Variants in POLR3B observed in about 807,000 individuals in gnomAD.
POLR3B encodes RNA polymerase III subunit B.
In POLR3B, 96 loss-of-function variants were observed where a neutral mutation model predicts 147.4. The ratio of observed to expected loss-of-function variants is 0.65; its 90% confidence interval spans 0.55 to 0.77. The LOEUF is 0.77. Among genes scored for constraint, POLR3B ranks in the 30% least tolerant of loss-of-function variants. POLR3B has a pLI of 0.00. For missense variants in POLR3B, 1,036 were observed against 1,413.5 expected (o/e 0.73, Z 4.28); for synonymous variants, 461 against 485.9 (o/e 0.95, Z 0.67).
At chr12:106,368,010 T>A (rs2036555857) in intron 4 of POLR3B, among the ~76,000 whole-genome samples, 2 of 152,204 alleles carry the variant, frequency 1.3e-5, no homozygotes, top group Admixed American at 1.3e-4. Flanking sequence ...TATTAATTTA[T>A]ATCAATTTGG....
intron 23 of POLR3B, among the ~76,000 whole-genome samples, chr12:106,491,606 G>A (rs890643161): frequency 6.6e-6 from 1 of 152,212 alleles, no homozygotes. Context: ...GTAAAAGGAG[G>A]TAATTTAGAC....
At chr12:106,400,664 A>G (rs2037049068) in intron 10 of POLR3B, among the ~76,000 whole-genome samples, 1 of 152,240 alleles carries the variant, frequency 6.6e-6, no homozygotes, top group South Asian at 2.1e-4. Flanking sequence ...ACTCAGGATT[A>G]AGAAACTCAC....
intron 12 of POLR3B, among the ~76,000 whole-genome samples, chr12:106,426,669 A>C (rs2037440987): frequency 6.6e-6 from 1 of 152,064 alleles, no homozygotes; most frequent in African/African-American, 2.4e-5. Context: ...CTAAAGTTTG[A>C]GAAACACTCC....
chr12:106,377,141 T>C (rs909298456), intron 7 of POLR3B, among the ~76,000 whole-genome samples: 6 of 152,228 alleles, frequency 3.9e-5, no homozygotes, highest in African/African-American at 1.4e-4. Flanking sequence ...AGTAAAGCAG[T>C]AGGGAGATGA....
intron 10 of POLR3B, among the ~76,000 whole-genome samples, chr12:106,395,640 T>A (rs2036968647): frequency 6.6e-6 from 1 of 152,048 alleles, no homozygotes; most frequent in Non-Finnish European, 1.5e-5. Context: ...ATAATAGAAC[T>A]TTGGAAGATG....
intron 11 of POLR3B, among the ~76,000 whole-genome samples, chr12:106,407,185 T>G (rs2037162020): frequency 6.6e-6 from 1 of 152,206 alleles, no homozygotes; most frequent in Non-Finnish European, 1.5e-5. Context: ...TGGAAGAGTC[T>G]GAAACTTAAA....
At chr12:106,399,771 A>C (rs1403896453) in intron 10 of POLR3B, among the ~76,000 whole-genome samples, 2 of 152,218 alleles carry the variant, frequency 1.3e-5, no homozygotes, top group African/African-American at 4.8e-5. Flanking sequence ...ACAGACAAGC[A>C]AATGCTGAGA....
chr12:106,503,107 C>T (rs1430682689), intron 26 of POLR3B, among the ~76,000 whole-genome samples: 1 of 152,034 alleles, frequency 6.6e-6, no homozygotes, highest in African/African-American at 2.4e-5. Flanking sequence ...GTGTTTCTAC[C>T]GGCAGATAAA....
intron 23 of POLR3B, among the ~76,000 whole-genome samples, chr12:106,489,616 A>G (rs2038383161): frequency 6.6e-6 from 1 of 152,236 alleles, no homozygotes; most frequent in Non-Finnish European, 1.5e-5. Flanking sequence ...GAAAATGGTA[A>G]TTCATGTGTG....
intron 10 of POLR3B, among the ~76,000 whole-genome samples, chr12:106,393,477 C>G (rs2036940101): frequency 6.9e-6 from 1 of 145,592 alleles, no homozygotes; most frequent in Non-Finnish European, 1.5e-5. Flanking sequence ...TATGGCAACT[C>G]TCGTGTACAG....
chr12:106,403,502 C>T (rs1340643722), intron 10 of POLR3B, among the ~76,000 whole-genome samples: 1 of 152,014 alleles, frequency 6.6e-6, no homozygotes, highest in African/African-American at 2.4e-5. Context: ...TATAAAGACA[C>T]ATGCACATGT....
chr12:106,433,827 C>T lies in POLR3B; in HGVS notation c.1736C>T (p.Thr579Ile). The part of the protein sequence containing the change: ...NEFVSISTNL[T>I]DRCVYISSDG... Reference sequence around the variant, plus strand: ...TTTGTTTCCATCTCAACAAATCTTACAGATCGATGTGTCTATATTTCTTCT... The same window carrying T: ...TTTGTTTCCATCTCAACAAATCTTATAGATCGATGTGTCTATATTTCTTCT... The change falls in exon 16 of 28, where the codon ACA (threonine) becomes ATA (isoleucine). Residue 579 changes from threonine (T) to isoleucine (I), a missense_variant. By Grantham distance (89) the Thr-to-Ile change is moderately conservative (BLOSUM62 -1). Around this residue, in one of 12 missense-constraint regions of POLR3B, gnomAD observed 177 missense variants for 232.7 expected, o/e 0.76. Coordinates refer to ENST00000228347, the MANE Select transcript of POLR3B (RefSeq NM_018082.6). The T allele has an allele frequency of 1.2e-6, 2 of 1,613,444 alleles. No homozygotes were observed. Among genetic ancestry groups the T allele is most frequent in the Non-Finnish European group, 1.7e-6 (2 of 1,179,460 alleles).
chr12:106,500,659 C>A (rs1016821928), intron 25 of POLR3B, among the ~76,000 whole-genome samples: 1 of 152,136 alleles, frequency 6.6e-6, no homozygotes, highest in Middle Eastern at 3.4e-3. Flanking sequence ...GAATACCTGG[C>A]GGGAGAGTGT....
chr12:106,408,944 G>A (rs1412446838), intron 11 of POLR3B, among the ~76,000 whole-genome samples: 1 of 152,146 alleles, frequency 6.6e-6, no homozygotes, highest in Non-Finnish European at 1.5e-5. Context: ...AGGGGGTGAT[G>A]GACTGTACCT....
chr12:106,466,959 T>C (rs1224820657), intron 23 of POLR3B, among the ~76,000 whole-genome samples: 2 of 152,220 alleles, frequency 1.3e-5, no homozygotes, highest in Non-Finnish European at 2.9e-5. Flanking sequence ...CCATATGAAC[T>C]TTAAAGTAGT....
rs1406912597 is a variant in POLR3B at position 106,504,331 on chromosome 12, T to C, written c.3272+77T>C. On this transcript the variant is annotated intron_variant, in intron 27 of 27. Transcript: ENST00000228347. This position sits in a 1 kb window ranked among gnomAD's most constrained non-coding sequence, Gnocchi z 4.6. ...CAGCTCAAGAATTGACCCTGGATCC[T>C]ATCCGCATATTCTCCAGCCTCTGTC... is the stretch of plus-strand genomic sequence containing the variant. The C allele has an allele frequency of 2.6e-6, 3 of 1,145,976 alleles. No individual in the cohort carries two copies. Among genetic ancestry groups the C allele is most frequent in the Non-Finnish European group, 4.0e-6 (3 of 753,748 alleles). 71.0% of individuals were successfully genotyped at this position (1,145,976 alleles called of 1,614,324 possible).
rs748701513 is a variant in POLR3B at position 106,459,231 on chromosome 12, C to G, written c.2453-20C>G. 86 of 1,302,208 alleles carry G rather than the reference C, an allele frequency of 6.6e-5. No homozygotes were observed. The highest frequency in any genetic ancestry group is 5.6e-6 in the Non-Finnish European group (5 of 896,098). The allele number at this position is 1,302,208 out of a possible 1,614,324, so 80.7% of individuals were successfully genotyped here. A position where few individuals can be genotyped will look rare whatever the true frequency, so the allele number is the denominator to read the frequency against. ...ACACAGATGATAACGATGTGCCTAA[C>G]ACTTTTCTTTTTTTCTCAGGTGAGA... On this transcript the variant is annotated intron_variant, in intron 21 of 27. Coordinates refer to ENST00000228347, the MANE Select transcript of POLR3B (RefSeq NM_018082.6).
chr12:106,378,710 C>T (rs145294317), intron 8 of POLR3B, among the ~76,000 whole-genome samples: 1 of 151,786 alleles, frequency 6.6e-6, no homozygotes, highest in East Asian at 1.9e-4. Flanking sequence ...GCCTTTTATG[C>T]TCCTTTTCAG....
rs558701241 is a variant in POLR3B, at chr12:106,358,012, C to T, written c.72+61C>T. Reference sequence around the variant, plus strand: ...GGATGCGCCCTGAGGGGGCGTTGCCCGGAGTGCTCGGGCCGCCAAGGGGGC... The same window carrying T: ...GGATGCGCCCTGAGGGGGCGTTGCCTGGAGTGCTCGGGCCGCCAAGGGGGC... On this transcript the variant is annotated intron_variant, in intron 1 of 27. Coordinates refer to ENST00000228347, the MANE Select transcript of POLR3B (RefSeq NM_018082.6). 1.4e-5 allele frequency: 22 copies of T among 1,591,238 alleles called. No individual in the cohort carries two copies. In the African/African-American group the frequency reaches 1.7e-4, roughly 13 times the overall value.
Sources: gnomAD v4.1 joint callset for allele counts (sites outside exome capture counted in the v4.1 genomes callset) on GRCh38, gnomAD v4.1.1 for gene constraint, gnomAD v4.1.1 regional missense constraint, Gnocchi (gnomAD v3.1) non-coding constraint, MANE v1.5 for transcripts, NCBI Gene and HGNC (gene_info 2026-07-23, HGNC 2026-07-21) for gene names.